Variants in RORA observed in about 807,000 individuals in gnomAD.
RORA encodes the protein nuclear receptor ROR-alpha.
In RORA, 7 loss-of-function variants were observed where a neutral mutation model predicts 69.5. The ratio of observed to expected loss-of-function variants is 0.10; its 90% confidence interval spans 0.06 to 0.19. RORA has a LOEUF of 0.19. Among genes scored for constraint, RORA ranks in the 10% least tolerant of loss-of-function variants. The pLI is 1.00. For synonymous variants in RORA, 261 were observed against 240.8 expected (o/e 1.08, Z -0.78); for missense variants, 457 against 663.0 (o/e 0.69, Z 3.41).
intron 2 of RORA, among the ~76,000 whole-genome samples, chr15:60,575,646 T>C (rs187813669): frequency 7.7e-4 from 117 of 152,342 alleles, no homozygotes; most frequent in Non-Finnish European, 9.4e-4. Flanking sequence ...TTATGAATTT[T>C]CACAGGCAAT....
intron 1 of RORA, among the ~76,000 whole-genome samples, chr15:61,018,964 G>A (rs1408441600): frequency 6.6e-6 from 1 of 152,160 alleles, no homozygotes; most frequent in Non-Finnish European, 1.5e-5. Context: ...AGGCTGAAGG[G>A]CTTAAAGCAA....
chr15:60,696,747 A>T (rs1156760292), intron 1 of RORA, among the ~76,000 whole-genome samples: 3 of 152,222 alleles, frequency 2.0e-5, no homozygotes, highest in African/African-American at 7.2e-5. Context: ...CCAAAATTCT[A>T]GGAAAAGCAC....
intron 1 of RORA, among the ~76,000 whole-genome samples, chr15:61,013,026 C>T (rs189006422): frequency 7.5e-4 from 114 of 152,344 alleles, no homozygotes; most frequent in Non-Finnish European, 1.2e-3. Flanking sequence ...GGATGACAAA[C>T]TTCCCTGAAA....
intron 1 of RORA, among the ~76,000 whole-genome samples, chr15:60,826,059 A>G (rs532859003): frequency 1.3e-5 from 2 of 152,336 alleles, no homozygotes; most frequent in South Asian, 4.1e-4. Flanking sequence ...GGCAGGGCCA[A>G]TTGGTCAGAC....
intron 2 of RORA, among the ~76,000 whole-genome samples, chr15:60,622,264 C>T (rs946223872): frequency 3.3e-5 from 5 of 152,044 alleles, no homozygotes; most frequent in African/African-American, 1.2e-4. Flanking sequence ...TATACTAACA[C>T]AAAATGTTAA....
intron 1 of RORA, among the ~76,000 whole-genome samples, chr15:61,215,073 TG>T (rs1323492116): frequency 9.0e-5 from 11 of 121,952 alleles, no homozygotes; most frequent in African/African-American, 3.4e-4. Context: ...TAGGTAGATA[TG>T]GGGTTTCACC....
intron 3 of RORA, among the ~76,000 whole-genome samples, chr15:60,517,804 A>C (rs1329745939): frequency 6.6e-6 from 1 of 152,204 alleles, no homozygotes; most frequent in Admixed American, 6.5e-5. Context: ...TGTTTGCTTC[A>C]CATTAAGCCT....
At chr15:61,093,915 T>C (rs1336937120) in intron 1 of RORA, among the ~76,000 whole-genome samples, 1 of 152,214 alleles carries the variant, frequency 6.6e-6, no homozygotes, top group Non-Finnish European at 1.5e-5. Context: ...GTCAATGACC[T>C]AAAGAAGACA....
chr15:60,760,105 T>G (rs535314207), intron 1 of RORA, among the ~76,000 whole-genome samples: 3 of 152,186 alleles, frequency 2.0e-5, no homozygotes, highest in Non-Finnish European at 4.4e-5. Context: ...TAAAAGGTTT[T>G]AATTTACTTC....
chr15:61,187,708 A>G (rs542187924), intron 1 of RORA, among the ~76,000 whole-genome samples: 1 of 152,330 alleles, frequency 6.6e-6, no homozygotes, highest in African/African-American at 2.4e-5. Context: ...GCTTCAAAGC[A>G]TATGTTTATC....
chr15:60,799,102 A>G (rs2072542677), intron 1 of RORA, among the ~76,000 whole-genome samples: 1 of 152,132 alleles, frequency 6.6e-6, no homozygotes, highest in African/African-American at 2.4e-5. Flanking sequence ...CCAATACCTC[A>G]GGCCTCCGTG....
intron 1 of RORA, among the ~76,000 whole-genome samples, chr15:61,111,563 T>G (rs1296210002): frequency 6.6e-6 from 1 of 152,208 alleles, no homozygotes; most frequent in Non-Finnish European, 1.5e-5. Context: ...TTTGCAATTA[T>G]TCAATTCAGA....
At chr15:60,649,241 GAA>G (rs11478657) in intron 2 of RORA, among the ~76,000 whole-genome samples, 1,680 of 144,114 alleles carry the variant, frequency 0.012, 36 homozygotes, top group East Asian at 0.086. Flanking sequence ...TTGCTTCCAG[GAA>G]AAAAAAAAAA....
intron 1 of RORA, among the ~76,000 whole-genome samples, chr15:60,832,893 C>T (rs898795856): frequency 4.6e-5 from 7 of 152,142 alleles, no homozygotes; most frequent in East Asian, 3.9e-4. Context: ...ACCTTCTGTT[C>T]CATCCCAACT....
chr15:61,200,301 G>A (rs1172107853), intron 1 of RORA, among the ~76,000 whole-genome samples: 1 of 152,124 alleles, frequency 6.6e-6, no homozygotes, highest in African/African-American at 2.4e-5. Context: ...AGAAGCTCTC[G>A]CTCCTTTTTG....
At chr15:60,881,246 G>C (rs1363926859) in intron 1 of RORA, among the ~76,000 whole-genome samples, 1 of 152,194 alleles carries the variant, frequency 6.6e-6, no homozygotes, top group Non-Finnish European at 1.5e-5. Flanking sequence ...CATGGCTCCT[G>C]CCATTCCCAC....
At chr15:61,062,445 C>T (rs936000425) in intron 1 of RORA, among the ~76,000 whole-genome samples, 2 of 152,052 alleles carry the variant, frequency 1.3e-5, no homozygotes, top group Admixed American at 6.6e-5. Flanking sequence ...AGAGCAGAGC[C>T]GGACGCCAGG....
intron 1 of RORA, among the ~76,000 whole-genome samples, chr15:61,029,422 G>A (rs1466859674): frequency 6.6e-6 from 1 of 152,144 alleles, no homozygotes; most frequent in Non-Finnish European, 1.5e-5. Flanking sequence ...TAAATGCAAT[G>A]GGTGGCACTG....
chr15:60,958,336 T>C, intron 1 of RORA, among the ~76,000 whole-genome samples: 1 of 152,190 alleles, frequency 6.6e-6, no homozygotes, highest in East Asian at 1.9e-4. Flanking sequence ...ATTAGGGATT[T>C]AGCAGGCTAA....
Sources: allele counts gnomAD v4.1 joint callset (sites outside exome capture counted in the v4.1 genomes callset), GRCh38; gene constraint gnomAD v4.1.1; transcripts MANE v1.5; gene names NCBI Gene and HGNC (gene_info 2026-07-23, HGNC 2026-07-21).